Variants in GUCY1A2 observed in about 807,000 individuals in gnomAD.
The protein encoded by GUCY1A2 is guanylate cyclase 1 soluble subunit alpha 2, also known as guanylate cyclase soluble subunit alpha-2.
In GUCY1A2, 27 loss-of-function variants were observed where a neutral mutation model predicts 63.5. The observed-to-expected ratio is 0.43, with a 90% CI of 0.31 to 0.59. The LOEUF is 0.59. Ranked by LOEUF, GUCY1A2 falls within the 20% of genes least tolerant of loss-of-function variation. The pLI is 0.11. For synonymous variants in GUCY1A2, 364 were observed against 343.5 expected (o/e 1.06, Z -0.66); for missense variants, 768 against 913.3 (o/e 0.84, Z 2.05).
At chr11:106,927,898 CA>C (rs1170909547) in intron 4 of GUCY1A2, among the ~76,000 whole-genome samples, 4 of 152,020 alleles carry the variant, frequency 2.6e-5, no homozygotes, top group Non-Finnish European at 5.9e-5. Flanking sequence ...AACCACAGAA[CA>C]GGGTAGAATG....
chr11:106,818,515 G>A (rs1366989005), intron 4 of GUCY1A2, among the ~76,000 whole-genome samples: 4 of 152,054 alleles, frequency 2.6e-5, no homozygotes, highest in African/African-American at 9.7e-5. Flanking sequence ...CCTATCACAT[G>A]AGAACAACAA....
At chr11:106,856,932 T>A (rs1290520035) in intron 4 of GUCY1A2, among the ~76,000 whole-genome samples, 1 of 152,228 alleles carries the variant, frequency 6.6e-6, no homozygotes, top group African/African-American at 2.4e-5. Context: ...GTCCCCATAG[T>A]GCTTTTCACT....
chr11:106,998,541 A>G (rs535025359), intron 1 of GUCY1A2, among the ~76,000 whole-genome samples: 1 of 152,344 alleles, frequency 6.6e-6, no homozygotes, highest in East Asian at 1.9e-4. Flanking sequence ...TACTGATTGG[A>G]TATCACTTAC....
chr11:106,747,639 T>A (rs575060113), intron 6 of GUCY1A2, among the ~76,000 whole-genome samples: 1 of 152,306 alleles, frequency 6.6e-6, no homozygotes, highest in East Asian at 1.9e-4. Context: ...CCTTTTGGGG[T>A]TTATTCTCCA....
At chr11:106,965,298 G>C (rs556132910) in intron 3 of GUCY1A2, among the ~76,000 whole-genome samples, 2 of 152,036 alleles carry the variant, frequency 1.3e-5, no homozygotes, top group Admixed American at 1.3e-4. Context: ...TCTGTAAAAT[G>C]GAAATAATAA....
chr11:106,762,490 G>C (rs1445059520), intron 6 of GUCY1A2, among the ~76,000 whole-genome samples: 7 of 152,038 alleles, frequency 4.6e-5, no homozygotes, highest in Admixed American at 2.6e-4. Flanking sequence ...TAATAAAACA[G>C]TTATAGTTCA....
In GUCY1A2 at chr11:106,825,762, T is replaced by TA. The variant is rs932151293; in HGVS notation, c.1207-15285dup. Among the ~76,000 whole-genome samples the TA allele has an allele frequency of 3.3e-5, 5 of 150,926 alleles. No individual in the cohort carries two copies. The South Asian group carries it at 6.3e-4, about 19-fold the overall frequency. Reference sequence around the variant, plus strand: ...TAACACTGACGATAGCTGATAAGCTTAAAAAAAAATTGCAAGAAAAATCTC... The same window carrying TA: ...TAACACTGACGATAGCTGATAAGCTTAAAAAAAAAATTGCAAGAAAAATCTC... On this transcript the variant is annotated intron_variant, in intron 4 of 7. Transcript: ENST00000526355.
intron 3 of GUCY1A2, among the ~76,000 whole-genome samples, chr11:106,970,049 G>A (rs1861174182): frequency 6.6e-6 from 1 of 152,206 alleles, no homozygotes; most frequent in African/African-American, 2.4e-5. Context: ...ATTTTGTTAT[G>A]AGAATGTATT....
At chr11:106,929,655 C>T (rs1860575499) in intron 4 of GUCY1A2, among the ~76,000 whole-genome samples, 1 of 152,020 alleles carries the variant, frequency 6.6e-6, no homozygotes, top group South Asian at 2.1e-4. Context: ...AGTAAAATAT[C>T]CCTGAGTGAC....
In GUCY1A2 at chr11:106,723,652, G is replaced by A. The variant is rs184402207; in HGVS notation, c.1837-14986C>T. On this transcript the variant is annotated intron_variant, in intron 6 of 7. Coordinates refer to ENST00000526355, the MANE Select transcript of GUCY1A2 (RefSeq NM_000855.3). ...AGCCTGGCCAACATGGCAAAGCCCTGTCTCTATTAAAAGTACAAAAATTAG... is the reference window on the plus strand; with the variant it reads ...AGCCTGGCCAACATGGCAAAGCCCTATCTCTATTAAAAGTACAAAAATTAG... 1.2e-3 allele frequency among the ~76,000 whole-genome samples: 180 copies of A among 152,234 alleles called. 1 individual carries two copies. Among genetic ancestry groups the A allele is most frequent in the African/African-American group, 4.1e-3 (171 of 41,560 alleles).
intron 6 of GUCY1A2, among the ~76,000 whole-genome samples, chr11:106,766,289 G>A (rs1325362187): frequency 6.6e-6 from 1 of 151,966 alleles, no homozygotes; most frequent in Non-Finnish European, 1.5e-5. Flanking sequence ...TCTTCCTAGG[G>A]CTAACCAAGT....
At chr11:106,978,513 G>T (rs1861291801) in intron 3 of GUCY1A2, 106 bp downstream of exon 3, 1 of 685,364 alleles carries the variant, frequency 1.5e-6, no homozygotes, top group Non-Finnish European at 2.3e-6. Context: ...GTCTCAACTT[G>T]CCATATTCTC....
In GUCY1A2 at chr11:106,674,806, A is replaced by C. The variant is rs1446244687; in HGVS notation, c.*12743T>G. The C allele has an allele frequency of 4.7e-6, 1 of 213,934 alleles. No individual in the cohort carries two copies. The highest frequency in any genetic ancestry group is 9.4e-6 in the Non-Finnish European group (1 of 105,876). 13.3% of individuals were successfully genotyped at this position (213,934 alleles called of 1,614,324 possible). A position where few individuals can be genotyped will look rare whatever the true frequency, so the allele number is the denominator to read the frequency against. On this transcript the variant is annotated 3_prime_UTR_variant, in exon 8 of 8. Transcript: ENST00000526355. ...AATTGCAGCAAACAAATTAGCCAAA[A>C]TGTTAAAATAATTCAGGTTAAATGA...
chr11:106,798,941 AG>A (rs1223835074), intron 5 of GUCY1A2, among the ~76,000 whole-genome samples: 2 of 152,208 alleles, frequency 1.3e-5, no homozygotes, highest in Non-Finnish European at 2.9e-5. Context: ...AGAGAAATAA[AG>A]GGTATTCAAT....
At chr11:106,935,663 C>T (rs1000733126) in intron 4 of GUCY1A2, among the ~76,000 whole-genome samples, 1 of 151,944 alleles carries the variant, frequency 6.6e-6, no homozygotes, top group Non-Finnish European at 1.5e-5. Flanking sequence ...TGGCCTCAAA[C>T]ATGGTGAAAC....
At chr11:106,754,963 G>C (rs995822481) in intron 6 of GUCY1A2, among the ~76,000 whole-genome samples, 2 of 152,132 alleles carry the variant, frequency 1.3e-5, no homozygotes, top group Admixed American at 1.3e-4. Flanking sequence ...GGTAAATTTG[G>C]CTGTGAATCT....
chr11:106,885,199 A>T (rs1214291698), intron 4 of GUCY1A2, among the ~76,000 whole-genome samples: 1 of 152,218 alleles, frequency 6.6e-6, no homozygotes, highest in Non-Finnish European at 1.5e-5. Context: ...TTTACAAAGC[A>T]ATATTGCAGA....
intron 6 of GUCY1A2, among the ~76,000 whole-genome samples, chr11:106,724,974 C>A (rs905455399): frequency 6.6e-6 from 1 of 152,006 alleles, no homozygotes; most frequent in Non-Finnish European, 1.5e-5. Context: ...TAAAAAGAAG[C>A]CTGCAACAAT....
chr11:106,979,035 C>G (rs1321577150), intron 2 of GUCY1A2, among the ~76,000 whole-genome samples: 2 of 152,192 alleles, frequency 1.3e-5, no homozygotes, highest in Non-Finnish European at 2.9e-5. Context: ...AGCACTTCAT[C>G]AAGGCTAGTG....
Sources: allele counts gnomAD v4.1 joint callset (sites outside exome capture counted in the v4.1 genomes callset), GRCh38; gene constraint gnomAD v4.1.1; transcripts MANE v1.5; gene names NCBI Gene and HGNC (gene_info 2026-07-23, HGNC 2026-07-21).